Variants in MYNN observed in about 807,000 individuals in gnomAD.
MYNN encodes zinc finger and BTB domain-containing protein 31.
MYNN carries 22 observed loss-of-function variants against 57.2 expected under a neutral mutation model. The ratio of observed to expected loss-of-function variants is 0.38; its 90% CI spans 0.27 to 0.55. The LOEUF is 0.55. Among genes scored for constraint, MYNN ranks in the 20% least tolerant of loss-of-function variants. The probability of loss-of-function intolerance (pLI) is 0.71; values close to 1 mark genes in which losing one functional copy is unlikely to be tolerated. For synonymous variants in MYNN, 241 were observed against 257.1 expected (o/e 0.94, Z 0.60); for missense variants, 566 against 723.1 (o/e 0.78, Z 2.49).
intron 2 of MYNN, among the ~76,000 whole-genome samples, chr3:169,775,819 ATCTT>A (rs1328945593): frequency 1.3e-5 from 2 of 152,126 alleles, no homozygotes; most frequent in Non-Finnish European, 2.9e-5. Flanking sequence ...ATTAAGCAAA[ATCTT>A]TCCCTCCCTT....
intron 3 of MYNN, 194 bp downstream of exon 3, chr3:169,779,755 C>T: frequency 1.7e-6 from 1 of 592,722 alleles, no homozygotes; most frequent in Non-Finnish European, 2.9e-6. Context: ...TGTTTAAGCC[C>T]TAATGCATCA....
At chr3:169,780,432 C>T in intron 3 of MYNN, 158 bp from the exon 4 acceptor site, 6 of 492,230 alleles carry the variant, frequency 1.2e-5, no homozygotes, top group Non-Finnish European at 2.1e-5. Flanking sequence ...TTTGATTCTA[C>T]TGGTGTTTTC....
chr3:169,789,019 T>C lies in MYNN; in HGVS notation c.*2341T>C, dbSNP rs536906277. 6.6e-6 allele frequency: 1 copy of C among 152,302 alleles called. No homozygotes were observed. Among genetic ancestry groups the C allele is most frequent in the Admixed American group, 6.5e-5 (1 of 15,304 alleles). 9.4% of individuals were successfully genotyped at this position (152,302 alleles called of 1,614,324 possible). On this transcript the variant is annotated 3_prime_UTR_variant, in exon 8 of 8. Coordinates refer to ENST00000349841, the MANE Select transcript of MYNN (RefSeq NM_018657.5). ...ATTATTTAAGTATTACATATTTTTA[T>C]GGAAGTCTTTAGAAGGTGAAGATCT...
At position 169,774,674 on chromosome 3, in the gene MYNN, TG is replaced by T. The variant is rs1778275673; in HGVS notation, c.266+114del. 7 of 950,944 alleles carry T rather than the reference TG, an allele frequency of 7.4e-6. No homozygotes were observed. In the South Asian group the frequency reaches 1.1e-4, roughly 15 times the overall value. The allele number at this position is 950,944 out of a possible 1,614,324, so 58.9% of individuals were successfully genotyped here. On this transcript the variant is annotated intron_variant, in intron 2 of 7. Coordinates refer to ENST00000349841, the MANE Select transcript of MYNN (RefSeq NM_018657.5). ...TGAACTCAAATTCTTCACCTATTTA[TG>T]CACACAATGTTTGTTTTTATAAAGA...
chr3:169,787,436 T>C lies in MYNN; in HGVS notation c.*758T>C, dbSNP rs1778705288. On this transcript the variant is annotated 3_prime_UTR_variant, in exon 8 of 8. Coordinates refer to ENST00000349841, the MANE Select transcript of MYNN (RefSeq NM_018657.5). ...TCAAAATTTGATTCAGTTTATGTTT[T>C]ATTCCGTTCTAAAATATTGGAGATG... The C allele has an allele frequency of 6.6e-6, 1 of 152,110 alleles. No homozygotes were observed. Among genetic ancestry groups the C allele is most frequent in the Non-Finnish European group, 1.5e-5 (1 of 67,944 alleles). The allele number at this position is 152,110 out of a possible 1,614,324, so 9.4% of individuals were successfully genotyped here. A position where few individuals can be genotyped will look rare whatever the true frequency, so the allele number is the denominator to read the frequency against.
At position 169,782,686 on chromosome 3, in the gene MYNN, TAAAAG is replaced by T; in HGVS notation, c.1399+48_1399+52del. On this transcript the variant is annotated intron_variant, in intron 5 of 7. Coordinates refer to ENST00000349841, the MANE Select transcript of MYNN (RefSeq NM_018657.5). This position sits in a 1 kb window ranked among gnomAD's most constrained non-coding sequence, Gnocchi z 4.8. Reference sequence around the variant, plus strand: ...AGACTGCTTAAAATAAAGTTATAAATAAAAGAAAAAGGGGACTTGGGCCTTTTAGC... The same window carrying T: ...AGACTGCTTAAAATAAAGTTATAAATAAAAAGGGGACTTGGGCCTTTTAGC... The T allele has an allele frequency of 2.6e-6, 4 of 1,550,996 alleles. No homozygotes were observed. The highest frequency in any genetic ancestry group is 3.5e-6 in the Non-Finnish European group (4 of 1,150,278).
intron 4 of MYNN, 119 bp downstream of exon 4, chr3:169,780,868 G>A (rs2108204587): frequency 1.1e-6 from 1 of 889,274 alleles, no homozygotes; most frequent in Non-Finnish European, 1.6e-6. Flanking sequence ...ACCAAACAAT[G>A]TTAACACGTT....
chr3:169,774,435 A>G lies in MYNN; in HGVS notation c.140A>G (p.Glu47Gly). Reference protein sequence around the residue: ...AHRNVLASFSEYFGAIYRSTS... With the variant: ...AHRNVLASFSGYFGAIYRSTS... Reference sequence around the variant, plus strand: ...AGGAATGTGCTGGCCTCCTTTAGTGAGTATTTTGGTGCGATCTACAGAAGC... The same window carrying G: ...AGGAATGTGCTGGCCTCCTTTAGTGGGTATTTTGGTGCGATCTACAGAAGC... The change falls in exon 2 of 8, where the codon GAG becomes GGG. Residue 47 changes from glutamate (E) to glycine (G), a missense_variant. This residue lies in a region of MYNN where 26 missense variants were observed against 55.8 expected (regional missense o/e 0.47). Coordinates refer to ENST00000349841, the MANE Select transcript of MYNN (RefSeq NM_018657.5). 6.2e-7 allele frequency: 1 copy of G among 1,614,114 alleles called. No homozygotes were observed. Among genetic ancestry groups the G allele is most frequent in the Non-Finnish European group, 8.5e-7 (1 of 1,180,012 alleles).
At chr3:169,777,514 A>G (rs1284656330) in intron 2 of MYNN, 2 of 151,830 alleles carry the variant, frequency 1.3e-5, no homozygotes, top group African/African-American at 2.4e-5. Context: ...TCCATCCTCA[A>G]ATACTTATAA....
In MYNN at chr3:169,786,524, T is replaced by A. The variant is rs763501903; in HGVS notation, c.1679T>A (p.Met560Lys). 3.1e-6 allele frequency: 5 copies of A among 1,613,768 alleles called. No homozygotes were observed. Among genetic ancestry groups the A allele is most frequent in the Non-Finnish European group, 4.2e-6 (5 of 1,179,686 alleles). Residue 560 changes from methionine (M) to lysine (K), a missense_variant, in exon 8 of 8, where the codon ATG becomes AAG. This residue lies in a region of MYNN where 156 missense variants were observed against 163.9 expected (regional missense o/e 0.95). Coordinates refer to ENST00000349841, the MANE Select transcript of MYNN (RefSeq NM_018657.5). Reference protein sequence around the residue: ...SETMDVKPSDMTLPLALPLGT... With the variant: ...SETMDVKPSDKTLPLALPLGT... ...ACTATGGATGTGAAGCCTTCTGATA[T>A]GACTTTACCATTAGCTCTTCCACTT...
chr3:169,776,845 A>G (rs1778362001), intron 2 of MYNN, among the ~76,000 whole-genome samples: 1 of 151,852 alleles, frequency 6.6e-6, no homozygotes, highest in Non-Finnish European at 1.5e-5. Flanking sequence ...CTGGAATTAC[A>G]GGCACCCGCC....
chr3:169,785,071 G>C (rs1027388786), intron 7 of MYNN, among the ~76,000 whole-genome samples: 1 of 68,368 alleles, frequency 1.5e-5, no homozygotes, highest in Admixed American at 1.7e-4. Flanking sequence ...TGAAAAAAAA[G>C]GGGGGGGGGG....
chr3:169,784,909 A>AT (rs1359301252), intron 7 of MYNN, among the ~76,000 whole-genome samples: 2 of 127,662 alleles, frequency 1.6e-5, no homozygotes, highest in East Asian at 6.8e-4. Context: ...TGAATCTCTT[A>AT]TTTAAAAAAA....
rs1778549403 is a variant in MYNN at position 169,782,544 on chromosome 3, G to T, written c.1300G>T (p.Val434Phe). 2 of 1,614,016 alleles carry T rather than the reference G, an allele frequency of 1.2e-6. No homozygotes were observed. The highest frequency in any genetic ancestry group is 1.7e-6 in the Non-Finnish European group (2 of 1,179,914). The change falls in exon 5 of 8, where the codon GTC becomes TTC. Residue 434 changes from valine (V) to phenylalanine (F), a missense_variant. Physicochemically the swap from Val to Phe is conservative, Grantham distance 50. Around this residue, in one of 4 missense-constraint regions of MYNN, gnomAD observed 123 missense variants for 222.6 expected, o/e 0.55. Coordinates refer to ENST00000349841, the MANE Select transcript of MYNN (RefSeq NM_018657.5). The surrounding 1 kb of genome is among the most constrained non-coding windows in gnomAD (Gnocchi z 4.8). ...TCAAGCCAGCACACTGACCTATCAT[G>T]TCCGTAGGCATACTGGAGAAAAGCC... ...FAQASTLTYH[V>F]RRHTGEKPYV... is the part of the protein sequence containing the mutation.
chr3:169,788,904 G>C lies in MYNN; in HGVS notation c.*2226G>C, dbSNP rs1458776316. The stretch of plus-strand genomic sequence containing the variant: ...AATATGCATATATTTAGTTGTATCT[G>C]GTATCATTCTAACACTCATAACTAC... On this transcript the variant is annotated 3_prime_UTR_variant, in exon 8 of 8. Coordinates refer to ENST00000349841, the MANE Select transcript of MYNN (RefSeq NM_018657.5). 6.6e-6 allele frequency: 1 copy of C among 151,812 alleles called. No individual in the cohort carries two copies. The highest frequency in any genetic ancestry group is 1.5e-5 in the Non-Finnish European group (1 of 67,928). 9.4% of individuals were successfully genotyped at this position (151,812 alleles called of 1,614,324 possible).
chr3:169,779,119 T>C lies in MYNN; in HGVS notation c.618T>C (p.Asn206=). The change falls in exon 3 of 8, where the codon AAT becomes AAC. Residue 206 remains asparagine (N), a synonymous_variant. Coordinates refer to ENST00000349841, the MANE Select transcript of MYNN (RefSeq NM_018657.5). ...AATATCCCAGTGACATCTTAGAGAA[T>C]GCATCTGTTGAATTATTCCTAGATG... is the stretch of plus-strand genomic sequence containing the variant. The part of the protein sequence containing the change: ...TVQYPSDILE[N]ASVELFLDAN... 2 of 1,614,170 alleles carry C rather than the reference T, an allele frequency of 1.2e-6. No individual in the cohort carries two copies. Among genetic ancestry groups the C allele is most frequent in the South Asian group, 1.1e-5 (1 of 91,082 alleles).
intron 3 of MYNN, chr3:169,779,798 T>C: frequency 4.1e-6 from 2 of 491,828 alleles, no homozygotes; most frequent in Non-Finnish European, 7.2e-6. Flanking sequence ...CAAATAAGTA[T>C]GTTGATTCTA....
At chr3:169,786,316 G>A in intron 7 of MYNN, 100 bp from the exon 8 acceptor site, 1 of 1,143,074 alleles carries the variant, frequency 8.7e-7, no homozygotes, top group Non-Finnish European at 1.3e-6. Flanking sequence ...AGGTATGGTG[G>A]TTGGAATGTA....
rs544928597 is a variant in MYNN at position 169,788,409 on chromosome 3, C to G, written c.*1731C>G. 1.8e-4 allele frequency: 27 copies of G among 152,196 alleles called. No homozygotes were observed. Among genetic ancestry groups the G allele is most frequent in the African/African-American group, 6.3e-4 (26 of 41,562 alleles). 9.4% of individuals were successfully genotyped at this position (152,196 alleles called of 1,614,324 possible). On this transcript the variant is annotated 3_prime_UTR_variant, in exon 8 of 8. Coordinates refer to ENST00000349841, the MANE Select transcript of MYNN (RefSeq NM_018657.5). Reference sequence around the variant, plus strand: ...ACAAAGCATTAGAATGTTACCTAATCTCTTCTGGGTTAAATGTGATAGGAA... The same window carrying G: ...ACAAAGCATTAGAATGTTACCTAATGTCTTCTGGGTTAAATGTGATAGGAA...
Sources: gnomAD v4.1 joint callset for allele counts (sites outside exome capture counted in the v4.1 genomes callset) on GRCh38, gnomAD v4.1.1 for gene constraint, gnomAD v4.1.1 regional missense constraint, Gnocchi (gnomAD v3.1) non-coding constraint, MANE v1.5 for transcripts, NCBI Gene and HGNC (gene_info 2026-07-23, HGNC 2026-07-21) for gene names.